Variants in TYK2 observed in about 807,000 individuals in gnomAD.
TYK2 encodes tyrosine kinase 2, also known as non-receptor tyrosine-protein kinase TYK2.
In TYK2, 65 loss-of-function variants were observed where a neutral mutation model predicts 130.9. The ratio of observed to expected loss-of-function variants is 0.50; its 90% CI spans 0.41 to 0.61. TYK2 has a LOEUF of 0.61. TYK2 is among the 20% of genes least tolerant of loss of function. The pLI is 0.00. For synonymous variants in TYK2, 647 were observed against 658.9 expected (o/e 0.98, Z 0.28); for missense variants, 1,378 against 1,610.7 (o/e 0.86, Z 2.47).
At chr19:10,358,301 T>G (rs1599337336) in intron 15 of TYK2, among the ~76,000 whole-genome samples, 163 bp from the exon 16 acceptor site, 2 of 146,860 alleles carry the variant, frequency 1.4e-5, no homozygotes, top group South Asian at 4.3e-4. Context: ...CTTGTTTTTT[T>G]TTTTTTTTTT....
At chr19:10,357,689 A>G (rs1361589297) in intron 17 of TYK2, 75 bp downstream of exon 17, 1 of 1,542,602 alleles carries the variant, frequency 6.5e-7, no homozygotes, top group Non-Finnish European at 8.8e-7. Context: ...TGCAGCTTTG[A>G]GCTCTGATTC....
At chr19:10,351,532 C>T in intron 23 of TYK2, 1 of 323,642 alleles carries the variant, frequency 3.1e-6, no homozygotes, top group South Asian at 2.6e-5. Context: ...AAATCGACTG[C>T]ATGGGTTCCA....
intron 3 of TYK2, among the ~76,000 whole-genome samples, chr19:10,377,570 G>C (rs2145359733): frequency 8.0e-6 from 1 of 124,998 alleles, no homozygotes; most frequent in African/African-American, 3.0e-5. Context: ...ATGGATGGGT[G>C]GGTGGGTGGA....
chr19:10,378,144 G>A (rs1039808010), intron 3 of TYK2, 70 bp downstream of exon 3: 17 of 1,531,860 alleles, frequency 1.1e-5, no homozygotes, highest in South Asian at 2.3e-5. Flanking sequence ...GTGGATAGAC[G>A]GATGGATGGG....
chr19:10,360,578 G>A (rs992058258), intron 14 of TYK2, among the ~76,000 whole-genome samples: 2 of 151,798 alleles, frequency 1.3e-5, no homozygotes, highest in African/African-American at 4.8e-5. Flanking sequence ...AGAGGCTAGG[G>A]GCTTGAGGTT....
chr19:10,354,133 C>T lies in TYK2; in HGVS notation c.2817G>A (p.Gln939=), dbSNP rs56085935. The T allele has an allele frequency of 6.2e-7, 1 of 1,614,068 alleles. No individual in the cohort carries two copies. The stretch of plus-strand genomic sequence containing the variant: ...TCTCCTGCTTCCAGCCCGAGCGGTG[C>T]TGGGGGCCGCAGTCTGCCTTGAGGG... ...VKALKADCGP[Q]HRSGWKQEID... is the part of the protein sequence containing the mutation. Residue 939 remains glutamine (Q), a synonymous_variant, in exon 20 of 25, where the codon CAG becomes CAA. Transcript: ENST00000525621.
intron 3 of TYK2, among the ~76,000 whole-genome samples, chr19:10,375,142 C>G (rs140729334): frequency 6.6e-6 from 1 of 151,164 alleles, no homozygotes; most frequent in African/African-American, 2.4e-5. Flanking sequence ...GCATTTCAGC[C>G]TGGGCAAGAG....
chr19:10,351,930 G>A (rs993536205), intron 23 of TYK2, among the ~76,000 whole-genome samples: 25 of 151,182 alleles, frequency 1.7e-4, no homozygotes, highest in African/African-American at 5.8e-4. Flanking sequence ...AGTAGAGACG[G>A]GGTTTCACCA....
intron 3 of TYK2, chr19:10,368,832 A>G (rs1252764917): frequency 2.7e-5 from 6 of 225,312 alleles, no homozygotes; most frequent in Non-Finnish European, 4.5e-5. Context: ...TTTTTTTGAG[A>G]TGGAGTCTTG....
intron 23 of TYK2, among the ~76,000 whole-genome samples, chr19:10,351,770 G>C (rs528429594): frequency 1.3e-5 from 2 of 151,734 alleles, no homozygotes; most frequent in African/African-American, 2.4e-5. Context: ...ACAGTCTCTC[G>C]CTCTTTCACC....
At chr19:10,371,450 G>A (rs2041903835) in intron 3 of TYK2, among the ~76,000 whole-genome samples, 1 of 151,906 alleles carries the variant, frequency 6.6e-6, no homozygotes, top group Non-Finnish European at 1.5e-5. Flanking sequence ...AGACCAGCCT[G>A]ACCAAAATGG....
rs1456271893 is a variant in TYK2 at position 10,362,280 on chromosome 19, G to C, written c.1653C>G (p.Cys551Trp). Residue 551 changes from cysteine to tryptophan, a missense_variant, in exon 11 of 25, where the codon TGC (cysteine) becomes TGG (tryptophan). Transcript: ENST00000525621. ...GDDCFSLRRC[C>W]LPQPGETSNL... The stretch of plus-strand genomic sequence containing the variant: ...TCATCGTACCTCCTGGTTGGGGCAG[G>C]CAACAGCGACGCAGAGAGAAGCAGT... 1 of 1,614,144 alleles carries C rather than the reference G, an allele frequency of 6.2e-7. No individual in the cohort carries two copies. Among genetic ancestry groups the C allele is most frequent in the Non-Finnish European group, 8.5e-7 (1 of 1,180,010 alleles).
chr19:10,358,294 G>GTGTTTTT (rs2041213070), intron 15 of TYK2, among the ~76,000 whole-genome samples, 156 bp from the exon 16 acceptor site: 1 of 91,442 alleles, frequency 1.1e-5, no homozygotes, highest in African/African-American at 4.4e-5. Context: ...TTTTTTTCTT[G>GTGTTTTT]TTTTTTTTTT....
In TYK2 at chr19:10,378,375, C is replaced by T. The variant is rs900008134; in HGVS notation, c.32G>A (p.Gly11Asp). 1.9e-6 allele frequency: 3 copies of T among 1,611,930 alleles called. No homozygotes were observed. The highest frequency in any genetic ancestry group is 2.5e-6 in the Non-Finnish European group (3 of 1,179,910). Residue 11 changes from glycine to aspartate, a missense_variant, in exon 3 of 25, where the codon GGC becomes GAC. Physicochemically the swap from Gly to Asp is moderately conservative, Grantham distance 94 (BLOSUM62 -1). Transcript: ENST00000525621. ...GGCTCCATCCCCAACGGGCTTACTGCCCCTGGCCATCCCCCAGTGGCGCAG... is the reference window on the plus strand; with the variant it reads ...GGCTCCATCCCCAACGGGCTTACTGTCCCTGGCCATCCCCCAGTGGCGCAG... MPLRHWGMAR[G>D]SKPVGDGAQP...
intron 15 of TYK2, 144 bp downstream of exon 15, chr19:10,359,030 TC>T: frequency 8.9e-7 from 1 of 1,117,526 alleles, no homozygotes; most frequent in Non-Finnish European, 1.3e-6. Context: ...GCCATTGCAC[TC>T]CAGCCTGGGT....
chr19:10,358,239 GTGA>G, intron 15 of TYK2, 101 bp from the exon 16 acceptor site: 4 of 1,162,966 alleles, frequency 3.4e-6, no homozygotes, highest in South Asian at 1.6e-5. Context: ...AAGGACAACT[GTGA>G]CTATCACTGG....
In TYK2 at chr19:10,362,462, A is replaced by G. The variant is rs280520; in HGVS notation, c.1477-6T>C. 396,117 of 1,591,026 alleles carry G rather than the reference A, an allele frequency of 0.25. 51,487 individuals carry two copies. The highest frequency in any genetic ancestry group is 0.4 in the East Asian group (17,729 of 43,886). On this transcript the variant is annotated splice_polypyrimidine_tract_variant and splice_region_variant and intron_variant, in intron 10 of 24. Coordinates refer to ENST00000525621, the MANE Select transcript of TYK2 (RefSeq NM_003331.5). ...CTCTGCATGCCGTCTGGTGCCTGGCAGGAGGTGGCAGAGGTGGGAGCAGTA... is the reference window on the plus strand; with the variant it reads ...CTCTGCATGCCGTCTGGTGCCTGGCGGGAGGTGGCAGAGGTGGGAGCAGTA...
At chr19:10,363,187 C>CTTTT (rs942594471) in intron 9 of TYK2, among the ~76,000 whole-genome samples, 2 of 127,686 alleles carry the variant, frequency 1.6e-5, no homozygotes, top group Admixed American at 8.0e-5. Flanking sequence ...CCTGATCTCT[C>CTTTT]TTTTTTTTTT....
rs2040858677 is a variant in TYK2, at chr19:10,352,438, G to C, written c.3314C>G (p.Pro1105Arg). 3.7e-6 allele frequency: 6 copies of C among 1,606,862 alleles called. No homozygotes were observed. In the East Asian group the frequency reaches 1.1e-4, roughly 30 times the overall value. The change falls in exon 23 of 25, where the codon CCC becomes CGC. Residue 1105 changes from proline to arginine, a missense_variant. Pro to Arg is a moderately radical substitution (Grantham distance 103, BLOSUM62 -2). Coordinates refer to ENST00000525621, the MANE Select transcript of TYK2 (RefSeq NM_003331.5). The part of the protein sequence containing the change: ...LTHCDSSQSP[P>R]TKFLELIGIA... ...GGCTGCGGGCCTGGCTCTCACCGTG[G>C]GGGGGCTCTGGCTGGAGTCACAGTG...
Sources: allele counts gnomAD v4.1 joint callset (sites outside exome capture counted in the v4.1 genomes callset), GRCh38; gene constraint gnomAD v4.1.1; transcripts MANE v1.5; gene names NCBI Gene and HGNC (gene_info 2026-07-23, HGNC 2026-07-21).